FER: variants seen among roughly 807,000 people sequenced by gnomAD.
FER encodes FER tyrosine kinase, also known as tyrosine-protein kinase Fer.
In FER, 63 loss-of-function variants were observed where a neutral mutation model predicts 111.0. The observed-to-expected ratio is 0.57, with a 90% CI of 0.46 to 0.70. FER has a LOEUF of 0.70. Ranked by LOEUF, FER falls within the 30% of genes least tolerant of loss-of-function variation. The pLI is 0.00. For synonymous variants in FER, 327 were observed against 313.9 expected, an observed-to-expected ratio of 1.04 and a Z score of -0.44; for missense variants, 914 against 954.0, an observed-to-expected ratio of 0.96 and a Z score of 0.55.
rs530883852 is a variant in FER at position 108,758,512 on chromosome 5, T to C, written c.-205-9581T>C. 2.0e-5 allele frequency among the ~76,000 whole-genome samples: 3 copies of C among 152,300 alleles called. No individual in the cohort carries two copies. The South Asian group carries it at 6.2e-4, about 32-fold the overall frequency. ...CTCTTTAGGTACAGATAGACCCTCA[T>C]GTAGGCCTTCTCCATATGGAGCTCT... On this transcript the variant is annotated intron_variant, in intron 1 of 19. Transcript: ENST00000281092.
rs1408621775 is a variant in FER, at chr5:109,191,478, G to A, written c.*3903G>A. The A allele has an allele frequency of 2.0e-5, 3 of 152,086 alleles. No homozygotes were observed. Among genetic ancestry groups the A allele is most frequent in the African/African-American group, 7.2e-5 (3 of 41,436 alleles). The allele number at this position is 152,086 out of a possible 1,614,324, so 9.4% of individuals were successfully genotyped here. On this transcript the variant is annotated 3_prime_UTR_variant, in exon 20 of 20. Transcript: ENST00000281092. ...CCTGGTTAGTGCTGAGTCATCGCAA[G>A]ACTTGCTTTTGCATTTAGGAAGCCA...
intron 13 of FER, among the ~76,000 whole-genome samples, chr5:108,975,625 C>T (rs537477865): frequency 4.7e-4 from 71 of 152,028 alleles, no homozygotes; most frequent in Middle Eastern, 3.4e-3. Context: ...GTATTTTCTA[C>T]GGATAATTAT....
At chr5:108,885,172 C>T (rs1350586192) in intron 9 of FER, among the ~76,000 whole-genome samples, 1 of 151,900 alleles carries the variant, frequency 6.6e-6, no homozygotes. Flanking sequence ...ACTCCGTGGC[C>T]ATGTAACCAA....
intron 17 of FER, among the ~76,000 whole-genome samples, chr5:109,101,357 G>A (rs866004250): frequency 2.1e-4 from 32 of 152,004 alleles, no homozygotes; most frequent in South Asian, 8.3e-4. Context: ...AACTGGTTTT[G>A]TTACTGAAGT....
chr5:108,775,041 C>G (rs1320260196), intron 2 of FER, among the ~76,000 whole-genome samples: 1 of 152,094 alleles, frequency 6.6e-6, no homozygotes, highest in Non-Finnish European at 1.5e-5. Context: ...AAATTTAAAT[C>G]TTTAATCCAT....
At chr5:109,011,042 C>T (rs1766195172) in intron 13 of FER, among the ~76,000 whole-genome samples, 2 of 152,200 alleles carry the variant, frequency 1.3e-5, no homozygotes, top group African/African-American at 2.4e-5. Context: ...TGTGTACATT[C>T]TTTTAGGTTT....
intron 5 of FER, among the ~76,000 whole-genome samples, chr5:108,858,450 A>G (rs1418490798): frequency 6.6e-6 from 1 of 152,128 alleles, no homozygotes. Context: ...TTTTTTACAA[A>G]GTTACTTCCC....
At chr5:109,131,613 G>A (rs1488445806) in intron 17 of FER, among the ~76,000 whole-genome samples, 2 of 151,946 alleles carry the variant, frequency 1.3e-5, no homozygotes, top group African/African-American at 4.8e-5. Flanking sequence ...GGAAAGATGA[G>A]ATCAGTAATG....
intron 17 of FER, among the ~76,000 whole-genome samples, chr5:109,164,403 G>A (rs147094682): frequency 1.5e-3 from 228 of 152,284 alleles, no homozygotes; most frequent in African/African-American, 5.3e-3. Flanking sequence ...TCTTTGCTTA[G>A]AAGGAGGTCC....
At chr5:108,930,607 C>T (rs1295221248) in intron 10 of FER, among the ~76,000 whole-genome samples, 2 of 73,476 alleles carry the variant, frequency 2.7e-5, no homozygotes, top group Non-Finnish European at 5.3e-5. Flanking sequence ...CCTCCTCTCC[C>T]CTCCTTTTTT....
intron 5 of FER, among the ~76,000 whole-genome samples, chr5:108,836,220 C>T (rs1221420544): frequency 6.6e-6 from 1 of 151,966 alleles, no homozygotes; most frequent in Non-Finnish European, 1.5e-5. Flanking sequence ...GCATTATGTT[C>T]TCTTTATAGC....
chr5:108,837,711 A>T (rs1760816248), intron 5 of FER, among the ~76,000 whole-genome samples: 1 of 152,150 alleles, frequency 6.6e-6, no homozygotes, highest in Non-Finnish European at 1.5e-5. Flanking sequence ...TCTGATGTCA[A>T]AGTTTTAATT....
intron 10 of FER, among the ~76,000 whole-genome samples, chr5:108,901,187 G>A (rs979665550): frequency 2.0e-5 from 3 of 151,178 alleles, no homozygotes; most frequent in Admixed American, 1.3e-4. Context: ...TGCCAGGTCT[G>A]CTAGCACCTT....
Position 108,838,282 on chromosome 5 carries a change from T to G in FER, c.481+2475T>G, listed in dbSNP as rs968858559. ...TACATGGGCCAGATTAGGACACTTTTGGAATGGGCCCTAGAGACTGCGGGG... is the reference window on the plus strand; with the variant it reads ...TACATGGGCCAGATTAGGACACTTTGGGAATGGGCCCTAGAGACTGCGGGG... On this transcript the variant is annotated intron_variant, in intron 5 of 19. Coordinates refer to ENST00000281092, the MANE Select transcript of FER (RefSeq NM_005246.4). 3.9e-5 allele frequency among the ~76,000 whole-genome samples: 6 copies of G among 152,144 alleles called. No individual in the cohort carries two copies. In the East Asian group the frequency reaches 9.6e-4, roughly 24 times the overall value.
intron 9 of FER, among the ~76,000 whole-genome samples, chr5:108,888,756 C>A (rs1188667596): frequency 6.6e-6 from 1 of 151,524 alleles, no homozygotes; most frequent in Non-Finnish European, 1.5e-5. Context: ...ACAAAAGGAA[C>A]ATGTTCATAT....
At chr5:109,073,674 C>A (rs1023542837) in intron 16 of FER, among the ~76,000 whole-genome samples, 1 of 151,854 alleles carries the variant, frequency 6.6e-6, no homozygotes, top group African/African-American at 2.4e-5. Flanking sequence ...TACACTTTTC[C>A]CTTCGTAAAT....
At position 109,191,727 on chromosome 5, in the gene FER, A is replaced by AATG. The variant is rs532182755; in HGVS notation, c.*4155_*4157dup. ...ACTCTGATTTGCTTATACATATCAG[A>AATG]ATGATATTCATTAAATATTTTAATT... On this transcript the variant is annotated 3_prime_UTR_variant, in exon 20 of 20. Transcript: ENST00000281092. The AATG allele has an allele frequency of 1.4e-3, 214 of 152,288 alleles. No homozygotes were observed. Among genetic ancestry groups the AATG allele is most frequent in the African/African-American group, 4.9e-3 (204 of 41,570 alleles). The allele number at this position is 152,288 out of a possible 1,614,324, so 9.4% of individuals were successfully genotyped here. A position where few individuals can be genotyped will look rare whatever the true frequency, so the allele number is the denominator to read the frequency against.
At chr5:108,977,336 ATAGT>A (rs1266247031) in intron 13 of FER, among the ~76,000 whole-genome samples, 5 of 152,338 alleles carry the variant, frequency 3.3e-5, no homozygotes, top group East Asian at 3.9e-4. Flanking sequence ...AGATAGACTA[ATAGT>A]TAGATGTATT....
chr5:109,112,990 C>T (rs766051626), intron 17 of FER, among the ~76,000 whole-genome samples: 10 of 152,146 alleles, frequency 6.6e-5, no homozygotes, highest in Non-Finnish European at 1.5e-4. Flanking sequence ...CTCGAGTCAT[C>T]TGTCTTTCCT....
Sources: gnomAD v4.1 joint callset for allele counts (sites outside exome capture counted in the v4.1 genomes callset) on GRCh38, gnomAD v4.1.1 for gene constraint, MANE v1.5 for transcripts, NCBI Gene and HGNC (gene_info 2026-07-23, HGNC 2026-07-21) for gene names.